The following GABRB1 variants were observed in gnomAD, a reference collection of about 807,000 sequenced individuals.
The protein encoded by GABRB1 is gamma-aminobutyric acid type A receptor subunit beta1, also known as gamma-aminobutyric acid receptor subunit beta-1.
A neutral mutation model predicts 51.6 loss-of-function variants in GABRB1; 17 were observed. That is an observed-to-expected ratio of 0.33 (90% CI 0.23 to 0.49). The LOEUF (loss-of-function observed/expected upper bound fraction) is 0.49, where lower values mean the gene tolerates loss of function less well. GABRB1 is among the 20% of genes least tolerant of loss of function. The probability of loss-of-function intolerance (pLI) is 0.99; values close to 1 mark genes in which losing one functional copy is unlikely to be tolerated. For missense variants in GABRB1, 410 were observed against 600.6 expected, an observed-to-expected ratio of 0.68 and a Z score of 3.32; for synonymous variants, 247 against 218.9, an observed-to-expected ratio of 1.13 and a Z score of -1.14.
chr4:47,180,119 C>A (rs1264397697), intron 4 of GABRB1, among the ~76,000 whole-genome samples: 3 of 151,834 alleles, frequency 2.0e-5, no homozygotes, highest in African/African-American at 7.3e-5. Flanking sequence ...AGGCACTAGT[C>A]ACAATCTTTT....
intron 3 of GABRB1, among the ~76,000 whole-genome samples, chr4:47,106,295 ACT>A (rs1714967266): frequency 6.6e-6 from 1 of 151,892 alleles, no homozygotes; most frequent in Admixed American, 6.6e-5. Context: ...CACAGTGAAG[ACT>A]CCAGGCTTGG....
chr4:47,403,390 T>G lies in GABRB1; in HGVS notation c.617T>G (p.Ile206Ser). The change falls in exon 6 of 9, where the codon ATC (isoleucine) becomes AGC (serine). Residue 206 changes from isoleucine to serine, a missense_variant. Coordinates refer to ENST00000295454, the MANE Select transcript of GABRB1 (RefSeq NM_000812.4). ...GGGGCAGTCACTGGTGTTAATAAAA[T>G]CGAACTTCCTCAATTTTCAATTGTT... ...GEGAVTGVNK[I>S]ELPQFSIVDY... 6.2e-7 allele frequency: 1 copy of G among 1,614,032 alleles called. No homozygotes were observed. Among genetic ancestry groups the G allele is most frequent in the Non-Finnish European group, 8.5e-7 (1 of 1,179,942 alleles).
intron 3 of GABRB1, among the ~76,000 whole-genome samples, chr4:47,051,417 T>C (rs1378228635): frequency 6.6e-6 from 1 of 152,178 alleles, no homozygotes; most frequent in Non-Finnish European, 1.5e-5. Context: ...AGACAAGAGG[T>C]TGAAGTTCTC....
chr4:47,280,013 A>G (rs1395334958), intron 4 of GABRB1, among the ~76,000 whole-genome samples: 1 of 151,496 alleles, frequency 6.6e-6, no homozygotes, highest in African/African-American at 2.4e-5. Context: ...ACATTTTAGG[A>G]CTTACTATTG....
intron 5 of GABRB1, among the ~76,000 whole-genome samples, chr4:47,353,446 CT>C (rs1726438041): frequency 6.6e-6 from 1 of 152,282 alleles, no homozygotes; most frequent in African/African-American, 2.4e-5. Context: ...AAGGATCAAT[CT>C]TTAATAAATG....
intron 5 of GABRB1, among the ~76,000 whole-genome samples, chr4:47,377,951 C>T (rs1231284215): frequency 2.0e-5 from 3 of 152,242 alleles, no homozygotes; most frequent in Non-Finnish European, 2.9e-5. Context: ...TCCACGTCCC[C>T]ACCAGACTCA....
intron 4 of GABRB1, among the ~76,000 whole-genome samples, chr4:47,244,402 T>A (rs1721659472): frequency 1.3e-5 from 2 of 152,150 alleles, no homozygotes; most frequent in Non-Finnish European, 2.9e-5. Context: ...CCTCATACAA[T>A]GAGTTAGAGA....
chr4:47,358,102 A>G (rs925554682), intron 5 of GABRB1, among the ~76,000 whole-genome samples: 3 of 152,126 alleles, frequency 2.0e-5, no homozygotes, highest in Non-Finnish European at 4.4e-5. Flanking sequence ...TTAAAGACAC[A>G]TTCCTAGAAA....
intron 3 of GABRB1, among the ~76,000 whole-genome samples, chr4:47,049,295 G>A (rs1402847562): frequency 6.6e-6 from 1 of 152,178 alleles, no homozygotes. Flanking sequence ...CCGGTGGAAA[G>A]ACAGAACTGC....
At chr4:47,358,383 ATATATG>A (rs1214249544) in intron 5 of GABRB1, among the ~76,000 whole-genome samples, 1 of 151,486 alleles carries the variant, frequency 6.6e-6, no homozygotes, top group African/African-American at 2.4e-5. Context: ...GTGTGTGTGT[ATATATG>A]TATATATATA....
Position 47,040,349 on chromosome 4 carries a change from A to C in GABRB1, c.240+7865A>C, listed in dbSNP as rs867318596. 2.0e-5 allele frequency among the ~76,000 whole-genome samples: 3 copies of C among 152,296 alleles called. No individual in the cohort carries two copies. In the Middle Eastern group the frequency reaches 0.01, roughly 522 times the overall value. On this transcript the variant is annotated intron_variant, in intron 3 of 8. Transcript: ENST00000295454. ...AAGCTAAGAGTGTTTCAAGGTCCAG[A>C]TGAGAGGTGATAGATGCCTAAACTA...
At chr4:47,059,460 C>T (rs962309088) in intron 3 of GABRB1, among the ~76,000 whole-genome samples, 2 of 152,114 alleles carry the variant, frequency 1.3e-5, no homozygotes, top group Admixed American at 6.5e-5. Flanking sequence ...GCATGCAACA[C>T]GGCACCTGGC....
At chr4:47,344,300 A>G (rs1309561463) in intron 5 of GABRB1, among the ~76,000 whole-genome samples, 1 of 152,208 alleles carries the variant, frequency 6.6e-6, no homozygotes, top group Non-Finnish European at 1.5e-5. Flanking sequence ...GGGCAAGTCA[A>G]CAATTAGTTG....
chr4:47,398,957 A>C (rs1728286964), intron 5 of GABRB1, among the ~76,000 whole-genome samples: 1 of 151,978 alleles, frequency 6.6e-6, no homozygotes, highest in Admixed American at 6.6e-5. Flanking sequence ...CGTCCGGCTA[A>C]TTTTCTGTAT....
At chr4:47,263,711 C>T (rs1722539124) in intron 4 of GABRB1, among the ~76,000 whole-genome samples, 1 of 152,126 alleles carries the variant, frequency 6.6e-6, no homozygotes. Flanking sequence ...TCAATAAATA[C>T]TTTGTAGGTT....
Position 47,131,388 on chromosome 4 carries a change from C to T in GABRB1, c.241-29861C>T, listed in dbSNP as rs146807251. On this transcript the variant is annotated intron_variant, in intron 3 of 8. Transcript: ENST00000295454. ...TGGCAGGCTGGTCTCGAACTCCTGA[C>T]CTCAGATGATCTGCCCGCCTCGGCC... Among the ~76,000 whole-genome samples the T allele has an allele frequency of 4.3e-3, 657 of 152,246 alleles. 5 individuals carry two copies. Among genetic ancestry groups the T allele is most frequent in the African/African-American group, 0.015 (627 of 41,542 alleles).
intron 4 of GABRB1, among the ~76,000 whole-genome samples, chr4:47,301,511 G>T (rs898414889): frequency 2.6e-5 from 4 of 151,754 alleles, no homozygotes; most frequent in African/African-American, 9.7e-5. Context: ...GTGCGTGCCT[G>T]TAGTCCCAGC....
chr4:47,375,578 C>T (rs1202958598), intron 5 of GABRB1, among the ~76,000 whole-genome samples: 2 of 152,160 alleles, frequency 1.3e-5, no homozygotes, highest in African/African-American at 2.4e-5. Flanking sequence ...AATCACTCAA[C>T]GATCCAGATG....
In GABRB1 at chr4:47,374,025, C is replaced by T. The variant is rs1306059371; in HGVS notation, c.545-29293C>T. On this transcript the variant is annotated intron_variant, in intron 5 of 8. Transcript: ENST00000295454. ...TTATTAATCACAAATACTCACAGCT[C>T]AGTGTCGGGAGTGAGGGAAAGACAC... 2.6e-5 allele frequency among the ~76,000 whole-genome samples: 4 copies of T among 152,166 alleles called. No homozygotes were observed. The East Asian group carries it at 7.7e-4, about 29-fold the overall frequency.
Sources: gnomAD v4.1 joint callset for allele counts (sites outside exome capture counted in the v4.1 genomes callset) on GRCh38, gnomAD v4.1.1 for gene constraint, MANE v1.5 for transcripts, NCBI Gene and HGNC (gene_info 2026-07-23, HGNC 2026-07-21) for gene names.